DYSF: variants seen among roughly 807,000 people sequenced by gnomAD.
The protein encoded by DYSF is dysferlin.
Under a neutral mutation model 274.9 loss-of-function variants are expected in DYSF, and 212 were observed. The observed-to-expected ratio is 0.77, with a 90% CI of 0.69 to 0.86. The LOEUF (loss-of-function observed/expected upper bound fraction) is 0.86. Ranked by LOEUF, DYSF falls within the 40% of genes least tolerant of loss-of-function variation. The pLI is 0.00. For synonymous variants in DYSF, 1,091 were observed against 1,078.7 expected (o/e 1.01, Z -0.22); for missense variants, 2,666 against 2,783.2 (o/e 0.96, Z 0.95).
intron 4 of DYSF, among the ~76,000 whole-genome samples, chr2:71,507,230 G>C (rs536941573): frequency 1.3e-5 from 2 of 152,222 alleles, no homozygotes; most frequent in South Asian, 4.1e-4. Context: ...AGCAGGGTGA[G>C]CCCCTAGAAA....
intron 3 of DYSF, 23 bp from the exon 4 acceptor site, chr2:71,503,191 A>G (rs368417753): frequency 9.3e-6 from 15 of 1,611,566 alleles, no homozygotes; most frequent in Admixed American, 5.0e-5. Context: ...AGTTTTCTAC[A>G]TTTGACTTCT....
chr2:71,477,218 G>A (rs1161575951), intron 1 of DYSF, among the ~76,000 whole-genome samples: 1 of 152,092 alleles, frequency 6.6e-6, no homozygotes, highest in African/African-American at 2.4e-5. Context: ...GTGACAGGAG[G>A]GTTTTATGGG....
chr2:71,669,261 C>G, intron 50 of DYSF, 54 bp downstream of exon 50: 1 of 1,453,674 alleles, frequency 6.9e-7, no homozygotes, highest in South Asian at 1.2e-5. Context: ...CCCGTGCTCC[C>G]TCTGGGTTGT....
intron 17 of DYSF, among the ~76,000 whole-genome samples, chr2:71,548,674 GC>G (rs990447527): frequency 3.3e-5 from 5 of 152,192 alleles, no homozygotes. Flanking sequence ...ACATTCAGGG[GC>G]ACACCCAAGT....
intron 14 of DYSF, 71 bp from the exon 15 acceptor site, chr2:71,534,950 G>T: frequency 5.9e-6 from 9 of 1,531,510 alleles, no homozygotes; most frequent in Non-Finnish European, 8.1e-6. Context: ...TCACTGGCTG[G>T]CATGTGGCCC....
intron 3 of DYSF, among the ~76,000 whole-genome samples, chr2:71,482,797 G>T (rs10184814): frequency 0.035 from 5,360 of 152,192 alleles, 307 homozygotes; most frequent in African/African-American, 0.12. Context: ...ATGAGAGGAG[G>T]CAGCTGCGTT....
At chr2:71,503,367 G>A in intron 4 of DYSF, 48 bp downstream of exon 4, 1 of 1,594,078 alleles carries the variant, frequency 6.3e-7, no homozygotes, top group African/African-American at 1.3e-5. Context: ...GGCATTGCCA[G>A]GTGGCTTCCT....
Position 71,662,831 on chromosome 2 carries a change from T to TG in DYSF, c.5004-1436dup, listed in dbSNP as rs528036807. On this transcript the variant is annotated intron_variant, in intron 45 of 55. Coordinates refer to ENST00000410020, the MANE Select transcript of DYSF (RefSeq NM_001130987.2). The stretch of plus-strand genomic sequence containing the variant: ...TGTGTGGTGTGTGTATATGTGCATT[T>TG]GTGTATATGTGTGTGTATGTGTGTG... Among the ~76,000 whole-genome samples, 267 of 143,208 alleles carry TG rather than the reference T, an allele frequency of 1.9e-3. 1 individual carries two copies. Among genetic ancestry groups the TG allele is most frequent in the African/African-American group, 6.4e-3 (253 of 39,776 alleles). The allele number at this position is 143,208 out of a possible 152,430, so 94.0% of individuals were successfully genotyped here.
At chr2:71,486,999 C>T (rs939074042) in intron 3 of DYSF, among the ~76,000 whole-genome samples, 2 of 152,170 alleles carry the variant, frequency 1.3e-5, no homozygotes, top group African/African-American at 4.8e-5. Context: ...GCTTTTACAC[C>T]CACTCATGCC....
intron 3 of DYSF, among the ~76,000 whole-genome samples, chr2:71,496,465 G>A (rs1220693486): frequency 6.6e-6 from 1 of 152,192 alleles, no homozygotes; most frequent in Non-Finnish European, 1.5e-5. Context: ...GCGAGGCAGG[G>A]TAAACAGGCC....
At position 71,611,739 on chromosome 2, in the gene DYSF, C is replaced by A. The variant is rs2093767378; in HGVS notation, c.4221+113C>A. 9 of 1,336,918 alleles carry A rather than the reference C, an allele frequency of 6.7e-6. No individual in the cohort carries two copies. The South Asian group carries it at 1.1e-4, about 17-fold the overall frequency. 82.8% of individuals were successfully genotyped at this position (1,336,918 alleles called of 1,614,324 possible). On this transcript the variant is annotated intron_variant, in intron 38 of 55. Coordinates refer to ENST00000410020, the MANE Select transcript of DYSF (RefSeq NM_001130987.2). ...ATTCCCTGCGGGATCCAGGGTAGGA[C>A]CCCTCACTTTCCTGTGAACATGGGG... is the stretch of plus-strand genomic sequence containing the variant.
At position 71,672,284 on chromosome 2, in the gene DYSF, G is replaced by A. The variant is rs563103315; in HGVS notation, c.5785-1913G>A. Among the ~76,000 whole-genome samples, 30 of 152,296 alleles carry A rather than the reference G, an allele frequency of 2.0e-4. No individual in the cohort carries two copies. The South Asian group carries it at 6.2e-3, about 32-fold the overall frequency. ...GGCAGGCAGAGCAGTGGCCACAGTG[G>A]GGCACCAGTTAGCTGGGTTGGGCTG... On this transcript the variant is annotated intron_variant, in intron 51 of 55. Transcript: ENST00000410020.
At chr2:71,658,615 C>T (rs2094819204) in intron 43 of DYSF, among the ~76,000 whole-genome samples, 2 of 152,160 alleles carry the variant, frequency 1.3e-5, no homozygotes, top group Non-Finnish European at 2.9e-5. Flanking sequence ...GCAGTTCTTA[C>T]ATGGTAGTGG....
At chr2:71,617,121 G>A (rs910840612) in intron 40 of DYSF, among the ~76,000 whole-genome samples, 1 of 152,168 alleles carries the variant, frequency 6.6e-6, no homozygotes, top group African/African-American at 2.4e-5. Flanking sequence ...TGGCAAGGGC[G>A]GCTCTTGCTT....
intron 1 of DYSF, among the ~76,000 whole-genome samples, chr2:71,476,433 C>G (rs58468044): frequency 2.6e-4 from 40 of 151,372 alleles, no homozygotes; most frequent in African/African-American, 6.1e-4. Flanking sequence ...CGCGGCTACT[C>G]GGGAGGCTGA....
At chr2:71,528,194 C>CAGG in intron 13 of DYSF, 104 bp from the exon 14 acceptor site, 1 of 1,038,870 alleles carries the variant, frequency 9.6e-7, no homozygotes, top group African/African-American at 1.6e-5. Flanking sequence ...GCCAAAGCTT[C>CAGG]TTGCTCAGGT....
chr2:71,557,176 C>T (rs776966868), intron 22 of DYSF, among the ~76,000 whole-genome samples: 10 of 152,066 alleles, frequency 6.6e-5, no homozygotes, highest in African/African-American at 2.2e-4. Flanking sequence ...TGGTTGGATG[C>T]GAAAAATGGG....
chr2:71,473,835 C>G (rs1187777534), intron 1 of DYSF, among the ~76,000 whole-genome samples: 1 of 152,080 alleles, frequency 6.6e-6, no homozygotes, highest in Non-Finnish European at 1.5e-5. Flanking sequence ...TCCTCCCCAG[C>G]TGAAACTCTA....
intron 17 of DYSF, among the ~76,000 whole-genome samples, chr2:71,540,420 C>T (rs1332272503): frequency 2.0e-5 from 3 of 152,102 alleles, no homozygotes; most frequent in African/African-American, 7.2e-5. Context: ...AGGATTTCAA[C>T]ATTTTTAAGA....
Sources: gnomAD v4.1 joint callset for allele counts (sites outside exome capture counted in the v4.1 genomes callset) on GRCh38, gnomAD v4.1.1 for gene constraint, MANE v1.5 for transcripts, NCBI Gene and HGNC (gene_info 2026-07-23, HGNC 2026-07-21) for gene names.